DPY19L1: variants seen among roughly 807,000 people sequenced by gnomAD.
The protein encoded by DPY19L1 is protein C-mannosyl-transferase DPY19L1.
In DPY19L1, 35 loss-of-function variants were observed where a neutral mutation model predicts 96.9. The ratio of observed to expected loss-of-function variants is 0.36; its 90% CI spans 0.28 to 0.48. The LOEUF (loss-of-function observed/expected upper bound fraction) is 0.48. Among genes scored for constraint, DPY19L1 ranks in the 20% least tolerant of loss-of-function variants. DPY19L1 has a pLI of 0.99. For missense variants in DPY19L1, 521 were observed against 777.9 expected (o/e 0.67, Z 3.93); for synonymous variants, 205 against 252.6 (o/e 0.81, Z 1.79).
chr7:34,999,844 C>T (rs927554869), intron 6 of DPY19L1, among the ~76,000 whole-genome samples: 1 of 151,948 alleles, frequency 6.6e-6, no homozygotes, highest in Non-Finnish European at 1.5e-5. Context: ...TTATTTATAC[C>T]ACTTAATTCA....
intron 13 of DPY19L1, among the ~76,000 whole-genome samples, chr7:34,952,546 C>T (rs1784289398): frequency 6.6e-6 from 1 of 152,126 alleles, no homozygotes; most frequent in Non-Finnish European, 1.5e-5. Context: ...TAGGAGATGA[C>T]ATTACCCTGA....
chr7:35,035,568 T>A (rs1193017131), intron 1 of DPY19L1, among the ~76,000 whole-genome samples: 1 of 152,262 alleles, frequency 6.6e-6, no homozygotes, highest in Non-Finnish European at 1.5e-5. Context: ...AACTCCATTC[T>A]GTCATCAGAT....
chr7:34,964,056 G>A (rs1435545110), intron 10 of DPY19L1, among the ~76,000 whole-genome samples: 5 of 152,064 alleles, frequency 3.3e-5, no homozygotes, highest in Admixed American at 1.3e-4. Context: ...TCACTGAACT[G>A]TATAATTAAA....
At chr7:34,956,445 C>T (rs1394465100) in intron 11 of DPY19L1, among the ~76,000 whole-genome samples, 3 of 151,534 alleles carry the variant, frequency 2.0e-5, no homozygotes, top group African/African-American at 7.3e-5. Context: ...TAAGTATACT[C>T]AAGGCACAAC....
chr7:34,970,278 G>C (rs1649247), intron 8 of DPY19L1, among the ~76,000 whole-genome samples: 7,048 of 152,210 alleles, frequency 0.046, 362 homozygotes, highest in African/African-American at 0.12. Context: ...CTGGAGCATA[G>C]AGCACCATTA....
At chr7:35,001,950 C>T (rs1785435762) in intron 6 of DPY19L1, among the ~76,000 whole-genome samples, 1 of 151,778 alleles carries the variant, frequency 6.6e-6, no homozygotes. Flanking sequence ...ATGGTAAAAA[C>T]CCCTCTCAAC....
At chr7:34,958,426 A>G (rs1206982006) in intron 10 of DPY19L1, among the ~76,000 whole-genome samples, 1 of 152,216 alleles carries the variant, frequency 6.6e-6, no homozygotes, top group Non-Finnish European at 1.5e-5. Context: ...AGAACTGGTA[A>G]AAGTATTCTA....
At chr7:34,974,870 C>T (rs1409847622) in intron 7 of DPY19L1, among the ~76,000 whole-genome samples, 2 of 152,122 alleles carry the variant, frequency 1.3e-5, no homozygotes, top group East Asian at 3.9e-4. Flanking sequence ...AATATTTCAA[C>T]CTTTTTCATT....
chr7:34,953,544 G>A (rs1006696859), intron 13 of DPY19L1, among the ~76,000 whole-genome samples: 11 of 152,012 alleles, frequency 7.2e-5, no homozygotes, highest in African/African-American at 2.2e-4. Context: ...CTCCTCCTGT[G>A]TATTCCTGCA....
intron 6 of DPY19L1, among the ~76,000 whole-genome samples, chr7:35,006,346 T>C (rs1270777967): frequency 6.6e-6 from 1 of 152,202 alleles, no homozygotes; most frequent in African/African-American, 2.4e-5. Context: ...AGTTTTAGTA[T>C]CACCTGCTTG....
intron 6 of DPY19L1, among the ~76,000 whole-genome samples, chr7:34,998,851 G>A (rs1785358012): frequency 6.6e-6 from 1 of 152,084 alleles, no homozygotes; most frequent in Admixed American, 6.6e-5. Context: ...AATTGAAGGG[G>A]GACCTAGAGG....
intron 6 of DPY19L1, among the ~76,000 whole-genome samples, chr7:34,999,558 T>C (rs749327175): frequency 6.6e-6 from 1 of 152,050 alleles, no homozygotes; most frequent in Non-Finnish European, 1.5e-5. Context: ...CTCAGGATGG[T>C]GGTAAACAAA....
intron 10 of DPY19L1, among the ~76,000 whole-genome samples, chr7:34,963,411 A>G (rs1784544557): frequency 1.3e-5 from 2 of 152,324 alleles, no homozygotes; most frequent in South Asian, 4.1e-4. Flanking sequence ...GCTACTATGG[A>G]AAAGTTTGGC....
At position 35,016,349 on chromosome 7, in the gene DPY19L1, T is replaced by G. The variant is rs574661649; in HGVS notation, c.411+1533A>C. On this transcript the variant is annotated intron_variant, in intron 3 of 21. Transcript: ENST00000638088. ...AAAATCCATCATATCATAATGATAC[T>G]CCAAAAGAAGGTACTCCATTGATCA... Among the ~76,000 whole-genome samples the G allele has an allele frequency of 3.3e-5, 5 of 152,316 alleles. 1 individual carries two copies. The highest frequency in any genetic ancestry group is 1.2e-4 in the African/African-American group (5 of 41,570).
At chr7:35,037,858 CG>C (rs888170696), upstream of DPY19L1, 2 of 1,235,294 alleles carry the variant, frequency 1.6e-6, no homozygotes, top group Non-Finnish European at 1.0e-6. Context: ...TGCGAGGACG[CG>C]GGGGCGGACG....
chr7:35,027,550 C>A lies in DPY19L1; in HGVS notation c.299-8954G>T, dbSNP rs914037793. On this transcript the variant is annotated intron_variant, in intron 1 of 21. Transcript: ENST00000638088. Reference sequence around the variant, plus strand: ...TGCTTTTAAAATTCAGTCATGAAGGCCGGGCTCCATGGCTCACGCCTGTAA... The same window carrying A: ...TGCTTTTAAAATTCAGTCATGAAGGACGGGCTCCATGGCTCACGCCTGTAA... Among the ~76,000 whole-genome samples the A allele has an allele frequency of 6.6e-5, 10 of 151,944 alleles. No homozygotes were observed. The East Asian group carries it at 1.9e-3, about 29-fold the overall frequency.
At chr7:34,957,149 G>A (rs112723408) in intron 11 of DPY19L1, among the ~76,000 whole-genome samples, 1 of 152,048 alleles carries the variant, frequency 6.6e-6, no homozygotes, top group African/African-American at 2.4e-5. Context: ...TTGGGAGGCC[G>A]AGGTGGGCAG....
chr7:34,951,334 C>T (rs965569454), intron 13 of DPY19L1, among the ~76,000 whole-genome samples: 1 of 151,988 alleles, frequency 6.6e-6, no homozygotes, highest in Admixed American at 6.5e-5. Context: ...AAAGAGAATA[C>T]ACATTATCCT....
chr7:34,954,061 T>C lies in DPY19L1; in HGVS notation c.1320+637A>G, dbSNP rs1267729310. ...AAATAGTTTATTTTTTCCATGTTGGTTCTTGTGCTGCTTTTTTAAATTAAA... is the reference window on the plus strand; with the variant it reads ...AAATAGTTTATTTTTTCCATGTTGGCTCTTGTGCTGCTTTTTTAAATTAAA... On this transcript the variant is annotated intron_variant, in intron 13 of 21. Transcript: ENST00000638088. 2.6e-5 allele frequency among the ~76,000 whole-genome samples: 4 copies of C among 152,190 alleles called. No homozygotes were observed. The East Asian group carries it at 7.7e-4, about 29-fold the overall frequency.
Sources: gnomAD v4.1 joint callset for allele counts (sites outside exome capture counted in the v4.1 genomes callset) on GRCh38, gnomAD v4.1.1 for gene constraint, MANE v1.5 for transcripts, NCBI Gene and HGNC (gene_info 2026-07-23, HGNC 2026-07-21) for gene names.